The following TDRD15 variants were observed in gnomAD, a reference collection of about 807,000 sequenced individuals.
TDRD15 encodes tudor domain-containing protein 15.
For synonymous variants in TDRD15, 503 were observed against 314.5 expected (o/e 1.60, Z -6.34); for missense variants, 1,416 against 904.7 (o/e 1.57, Z -7.25).
At chr2:21,130,555 A>G (rs1222667609) in intron 2 of TDRD15, among the ~76,000 whole-genome samples, 3 of 152,188 alleles carry the variant, frequency 2.0e-5, no homozygotes, top group Admixed American at 6.5e-5. Flanking sequence ...GTCTGAGAAC[A>G]TCTTGTGTAT....
Position 21,126,463 on chromosome 2 carries a change from T to A in TDRD15, c.-200-1138T>A, listed in dbSNP as rs112809285. ...CTCGCCGCAATCTCTGCCTCCCGGG[T>A]TCAAGCGATTCTCCTTCCTCAGGCT... On this transcript the variant is annotated intron_variant, in intron 1 of 3. Transcript: ENST00000405799. Among the ~76,000 whole-genome samples, 1,242 of 151,702 alleles carry A rather than the reference T, an allele frequency of 8.2e-3. 18 individuals carry two copies. Among genetic ancestry groups the A allele is most frequent in the African/African-American group, 0.029 (1,182 of 41,340 alleles).
At chr2:21,129,744 T>C (rs1464718572) in intron 2 of TDRD15, among the ~76,000 whole-genome samples, 1 of 152,244 alleles carries the variant, frequency 6.6e-6, no homozygotes, top group African/African-American at 2.4e-5. Flanking sequence ...TTGTTACTTG[T>C]GCTTTTGGAA....
chr2:21,128,294 T>G (rs1322119885), intron 2 of TDRD15, among the ~76,000 whole-genome samples: 3 of 152,152 alleles, frequency 2.0e-5, no homozygotes, highest in East Asian at 3.9e-4. Context: ...TTATGGTTTT[T>G]TTTTTAAATC....
At chr2:21,133,531 C>T (rs148628188) in intron 2 of TDRD15, among the ~76,000 whole-genome samples, 69 of 152,160 alleles carry the variant, frequency 4.5e-4, no homozygotes, top group African/African-American at 1.5e-3. Flanking sequence ...AAACCTAAAT[C>T]TCTTTTTAGA....
At chr2:21,135,013 A>G (rs1665781503) in intron 3 of TDRD15, among the ~76,000 whole-genome samples, 166 bp downstream of exon 3, 1 of 146,956 alleles carries the variant, frequency 6.8e-6, no homozygotes, top group South Asian at 2.1e-4. Flanking sequence ...GTATTTATAT[A>G]TAAATTGTGT....
intron 2 of TDRD15, among the ~76,000 whole-genome samples, chr2:21,131,782 A>C (rs941951987): frequency 1.3e-5 from 2 of 152,166 alleles, no homozygotes; most frequent in Non-Finnish European, 2.9e-5. Context: ...AATGAATTAA[A>C]TATATTTTAA....
At chr2:21,136,740 A>G (rs939963635) in intron 3 of TDRD15, among the ~76,000 whole-genome samples, 2 of 152,012 alleles carry the variant, frequency 1.3e-5, no homozygotes, top group African/African-American at 2.4e-5. Context: ...CAGATTAGCT[A>G]TGGTAGAAAA....
intron 1 of TDRD15, among the ~76,000 whole-genome samples, chr2:21,125,158 G>T (rs1468854794): frequency 6.6e-6 from 1 of 151,356 alleles, no homozygotes; most frequent in Non-Finnish European, 1.5e-5. Flanking sequence ...GTGTGAGAGA[G>T]AAATCCTAAT....
Sources: allele counts gnomAD v4.1 joint callset (sites outside exome capture counted in the v4.1 genomes callset), GRCh38; gene constraint gnomAD v4.1.1; transcripts MANE v1.5; gene names NCBI Gene and HGNC (gene_info 2026-07-23, HGNC 2026-07-21).